LMF1: variants seen among roughly 807,000 people sequenced by gnomAD.
LMF1 encodes transmembrane protein 112.
LMF1 carries 68 observed loss-of-function variants against 60.6 expected under a neutral mutation model. The observed-to-expected ratio is 1.12, with a 90% CI of 0.92 to 1.37. The LOEUF (loss-of-function observed/expected upper bound fraction) is 1.37, where lower values mean the gene tolerates loss of function less well. Among genes scored for constraint, LMF1 ranks in the 40% most tolerant of loss-of-function variants. LMF1 has a pLI of 0.00. For synonymous variants in LMF1, 418 were observed against 324.7 expected (o/e 1.29, Z -3.09); for missense variants, 948 against 767.2 (o/e 1.24, Z -2.78).
chr16:918,636 G>A (rs12921179), intron 3 of LMF1, among the ~76,000 whole-genome samples: 1 of 152,202 alleles, frequency 6.6e-6, no homozygotes, highest in African/African-American at 2.4e-5. Context: ...CGGGGACGTT[G>A]TGCCCACGGA....
At chr16:870,145 C>G in intron 8 of LMF1, 79 bp from the exon 9 acceptor site, 1 of 1,473,890 alleles carries the variant, frequency 6.8e-7, no homozygotes, top group Non-Finnish European at 9.1e-7. Context: ...GGGGGGGTTC[C>G]CCGACTGTCC....
intron 4 of LMF1, among the ~76,000 whole-genome samples, chr16:910,687 T>C (rs1484706690): frequency 6.6e-6 from 1 of 152,082 alleles, no homozygotes; most frequent in African/African-American, 2.4e-5. Flanking sequence ...TGAAACAGAC[T>C]CAGAGGTGTG....
At chr16:885,906 T>C (rs931060554) in intron 5 of LMF1, among the ~76,000 whole-genome samples, 1 of 152,192 alleles carries the variant, frequency 6.6e-6, no homozygotes, top group Non-Finnish European at 1.5e-5. Context: ...GTCTGTTCAT[T>C]TTTGGCTCAA....
chr16:973,539 C>T (rs904376648), upstream of LMF1, among the ~76,000 whole-genome samples: 1 of 151,928 alleles, frequency 6.6e-6, no homozygotes, highest in Non-Finnish European at 1.5e-5. Context: ...GGTCTGGGGA[C>T]GGGGAGTGGG....
intron 5 of LMF1, among the ~76,000 whole-genome samples, chr16:889,468 C>T (rs1397520878): frequency 2.0e-5 from 3 of 151,976 alleles, no homozygotes; most frequent in Non-Finnish European, 2.9e-5. Context: ...AGCTCCCAAG[C>T]CCGGAGGGAG....
intron 4 of LMF1, among the ~76,000 whole-genome samples, chr16:898,229 G>C (rs1049656124): frequency 3.3e-5 from 5 of 152,248 alleles, no homozygotes; most frequent in African/African-American, 1.2e-4. Context: ...CCTGGACCTG[G>C]ACAAACGCCC....
At chr16:931,827 C>G (rs898326843) in intron 3 of LMF1, 2 of 1,273,332 alleles carry the variant, frequency 1.6e-6, no homozygotes, top group Admixed American at 2.3e-5. Flanking sequence ...AACTCAGGCT[C>G]ACGAGGGCTC....
At position 931,754 on chromosome 16, in the gene LMF1, T is replaced by C. The variant is rs150957667; in HGVS notation, c.514+2490A>G. On this transcript the variant is annotated intron_variant, in intron 3 of 10. Coordinates refer to ENST00000262301, the MANE Select transcript of LMF1 (RefSeq NM_022773.4). ...ACTGCCGAAGCTACTACGAGTCTTC[T>C]GAATTTCTGCGCGACAGTCCAAAGT... is the stretch of plus-strand genomic sequence containing the variant. The C allele has an allele frequency of 7.8e-3, 10,075 of 1,287,196 alleles. 43 individuals are homozygous for C. Among genetic ancestry groups the C allele is most frequent in the Middle Eastern group, 0.011 (33 of 3,064 alleles). 79.7% of individuals were successfully genotyped at this position (1,287,196 alleles called of 1,614,324 possible). A position where few individuals can be genotyped will look rare whatever the true frequency, so the allele number is the denominator to read the frequency against.
At chr16:861,276 C>T (rs888663984) in intron 10 of LMF1, among the ~76,000 whole-genome samples, 5 of 151,490 alleles carry the variant, frequency 3.3e-5, no homozygotes, top group Non-Finnish European at 4.4e-5. Context: ...TCATTGCTAG[C>T]GTACAGGAAT....
intron 1 of LMF1, chr16:968,787 T>A (rs1278592369): frequency 6.6e-6 from 1 of 152,210 alleles, no homozygotes; most frequent in Non-Finnish European, 1.5e-5. Flanking sequence ...GAACAGAGAA[T>A]CCCTGCGGAG....
chr16:928,709 TCCCCACGGGCCCACCCCACAC>T (rs2071682686), intron 3 of LMF1, among the ~76,000 whole-genome samples: 3 of 100,318 alleles, frequency 3.0e-5, no homozygotes, highest in African/African-American at 1.1e-4. Context: ...CCTCCCCACA[TCCCCACGGGCCCACCCCACAC>T]CCCCACGGGC....
At chr16:948,694 C>A (rs71382301) in intron 2 of LMF1, among the ~76,000 whole-genome samples, 1 of 98,360 alleles carries the variant, frequency 1.0e-5, no homozygotes, top group South Asian at 3.8e-4. Context: ...AGTCAGCCAA[C>A]GACAGAATCA....
At chr16:856,938 G>A (rs965412586) in intron 10 of LMF1, among the ~76,000 whole-genome samples, 9 of 152,232 alleles carry the variant, frequency 5.9e-5, no homozygotes, top group Admixed American at 2.6e-4. Context: ...ATCCACGCCC[G>A]GACCCCCGTG....
intron 3 of LMF1, among the ~76,000 whole-genome samples, chr16:931,958 C>T (rs936461256): frequency 2.0e-5 from 3 of 152,232 alleles, no homozygotes; most frequent in Non-Finnish European, 4.4e-5. Context: ...CCCAGGGAGA[C>T]ACAAACGCAG....
At chr16:865,432 C>A (rs2069586207) in intron 10 of LMF1, among the ~76,000 whole-genome samples, 1 of 151,802 alleles carries the variant, frequency 6.6e-6, no homozygotes, top group Non-Finnish European at 1.5e-5. Context: ...CTCACTGCAA[C>A]CTCTGCCTCC....
At chr16:939,010 C>T (rs1192902825) in intron 2 of LMF1, among the ~76,000 whole-genome samples, 1 of 152,122 alleles carries the variant, frequency 6.6e-6, no homozygotes, top group African/African-American at 2.4e-5. Flanking sequence ...GGGGTTACAC[C>T]TTCCACGTGC....
chr16:929,641 CG>C (rs1429546639), intron 3 of LMF1, among the ~76,000 whole-genome samples: 1 of 152,262 alleles, frequency 6.6e-6, no homozygotes, highest in East Asian at 1.9e-4. Context: ...CGGCCACATT[CG>C]GGGCTGCGGA....
chr16:853,801 CA>C lies in LMF1; in HGVS notation c.*730del, dbSNP rs750593481. Reference sequence around the variant, plus strand: ...CGATTGAGGGGCCTTGTCAAGGCCTCAGAGGCAGCGAGGTCACAGCCTGGTG... The same window carrying C: ...CGATTGAGGGGCCTTGTCAAGGCCTCGAGGCAGCGAGGTCACAGCCTGGTG... On this transcript the variant is annotated 3_prime_UTR_variant, in exon 11 of 11. Coordinates refer to ENST00000262301, the MANE Select transcript of LMF1 (RefSeq NM_022773.4). 2.2e-6 allele frequency: 1 copy of C among 454,124 alleles called. No individual in the cohort carries two copies. The highest frequency in any genetic ancestry group is 1.6e-5 in the South Asian group (1 of 64,478). The allele number at this position is 454,124 out of a possible 1,614,324, so 28.1% of individuals were successfully genotyped here. A position where few individuals can be genotyped will look rare whatever the true frequency, so the allele number is the denominator to read the frequency against.
intron 4 of LMF1, chr16:900,681 A>ATGTGTGTGTGTGTGTGTGTATG (rs2070784069): frequency 1.1e-5 from 1 of 90,812 alleles, no homozygotes; most frequent in Non-Finnish European, 2.1e-5. Flanking sequence ...GCTAATTTTT[A>ATGTGTGTGTGTGTGTGTGTATG]TGTGTGTGTG....
Sources: allele counts gnomAD v4.1 joint callset (sites outside exome capture counted in the v4.1 genomes callset), GRCh38; gene constraint gnomAD v4.1.1; transcripts MANE v1.5; gene names NCBI Gene and HGNC (gene_info 2026-07-23, HGNC 2026-07-21).